TMEM135: variants seen among roughly 807,000 people sequenced by gnomAD.
TMEM135 encodes transmembrane protein 135, also known as peroxisomal membrane protein 52.
A neutral mutation model predicts 60.3 loss-of-function variants in TMEM135; 30 were observed. That is an observed-to-expected ratio of 0.50 (90% CI 0.37 to 0.68). TMEM135 has a LOEUF of 0.68. Among genes scored for constraint, TMEM135 ranks in the 30% least tolerant of loss-of-function variants. The probability of loss-of-function intolerance (pLI) is 0.00; values close to 1 mark genes in which losing one functional copy is unlikely to be tolerated. For missense variants in TMEM135, 468 were observed against 548.8 expected (o/e 0.85, Z 1.47); for synonymous variants, 190 against 186.7 (o/e 1.02, Z -0.14).
chr11:87,112,978 C>T (rs1351272484), intron 4 of TMEM135, among the ~76,000 whole-genome samples: 1 of 151,946 alleles, frequency 6.6e-6, no homozygotes, highest in Non-Finnish European at 1.5e-5. Flanking sequence ...GAATTTTTTG[C>T]ACTTTGGCGT....
chr11:87,198,784 A>G (rs1940026662), intron 5 of TMEM135, among the ~76,000 whole-genome samples: 1 of 151,974 alleles, frequency 6.6e-6, no homozygotes, highest in African/African-American at 2.4e-5. Flanking sequence ...TGTTAGAGAC[A>G]AGTATAAATA....
intron 5 of TMEM135, among the ~76,000 whole-genome samples, chr11:87,173,582 C>T (rs1939295669): frequency 1.3e-5 from 2 of 152,150 alleles, no homozygotes; most frequent in Non-Finnish European, 2.9e-5. Context: ...TGTAAGGCAG[C>T]TAGCACAATG....
rs961617282 is a variant in TMEM135 at position 87,253,944 on chromosome 11, T to C, written c.509+17260T>C. Reference sequence around the variant, plus strand: ...AGAAGTTATGAGAAATGAAAATAAATTATTCTTGTTTTGAAAATGACAGTC... The same window carrying C: ...AGAAGTTATGAGAAATGAAAATAAACTATTCTTGTTTTGAAAATGACAGTC... On this transcript the variant is annotated intron_variant, in intron 6 of 14. Transcript: ENST00000305494. Among the ~76,000 whole-genome samples the C allele has an allele frequency of 8.5e-5, 13 of 152,114 alleles. 1 individual carries two copies. The South Asian group carries it at 2.5e-3, about 29-fold the overall frequency.
At chr11:87,240,974 A>G (rs1941120686) in intron 6 of TMEM135, among the ~76,000 whole-genome samples, 1 of 152,310 alleles carries the variant, frequency 6.6e-6, no homozygotes, top group African/African-American at 2.4e-5. Context: ...AACATTGTGC[A>G]GCATGGCAGT....
Position 87,071,585 on chromosome 11 carries a change from A to C in TMEM135, c.332A>C (p.Tyr111Ser), listed in dbSNP as rs750344337. ...TTTGGTGCCGCTCTGCCAGCATCTT[A>C]TGTGGCCATTCTCATTGAAAGAAAA... is the stretch of plus-strand genomic sequence containing the variant. ...PGFGAALPAS[Y>S]VAILIERKSR... Residue 111 changes from tyrosine (Y) to serine (S), a missense_variant, in exon 3 of 15, where the codon TAT (tyrosine) becomes TCT (serine). Physicochemically the swap from Tyr to Ser is moderately radical, Grantham distance 144 (BLOSUM62 -2). Coordinates refer to ENST00000305494, the MANE Select transcript of TMEM135 (RefSeq NM_022918.4). 1 of 1,613,772 alleles carries C rather than the reference A, an allele frequency of 6.2e-7. No individual in the cohort carries two copies. Among genetic ancestry groups the C allele is most frequent in the Middle Eastern group, 1.6e-4 (1 of 6,062 alleles).
Position 87,159,617 on chromosome 11 carries a change from A to ACACACACACACACACC in TMEM135, c.462+2212_462+2213insACACACACACACACCC, listed in dbSNP as rs140303858. 1.5e-3 allele frequency among the ~76,000 whole-genome samples: 224 copies of ACACACACACACACACC among 149,448 alleles called. 2 individuals carry two copies. Among genetic ancestry groups the ACACACACACACACACC allele is most frequent in the East Asian group, 9.8e-3 (49 of 4,994 alleles). ...CGCACACACACACACACACACACAC[A>ACACACACACACACACC]CCATAGATTTTCCGAGACGGTTGGC... is the stretch of plus-strand genomic sequence containing the variant. On this transcript the variant is annotated intron_variant, in intron 5 of 14. Coordinates refer to ENST00000305494, the MANE Select transcript of TMEM135 (RefSeq NM_022918.4).
chr11:87,237,493 G>A (rs958397634), intron 6 of TMEM135, among the ~76,000 whole-genome samples: 12 of 151,818 alleles, frequency 7.9e-5, no homozygotes, highest in African/African-American at 2.2e-4. Flanking sequence ...AGACAGTTGC[G>A]GATTTTTAGT....
In TMEM135 at chr11:87,157,285, A is replaced by G. The variant is rs79204987; in HGVS notation, c.397-56A>G. 8.0e-3 allele frequency: 11,899 copies of G among 1,494,242 alleles called. 676 individuals carry two copies. In the African/African-American group the frequency reaches 0.13, roughly 16 times the overall value. 92.6% of individuals were successfully genotyped at this position (1,494,242 alleles called of 1,614,324 possible). On this transcript the variant is annotated intron_variant, in intron 4 of 14. Transcript: ENST00000305494. ...TCACATTTAGGGTGTGGGATATACA[A>G]TTGAGGAGAGATTGTAGATCATATA...
intron 4 of TMEM135, among the ~76,000 whole-genome samples, chr11:87,150,237 A>AAAAG (rs1565462362): frequency 1.4e-5 from 2 of 144,946 alleles, no homozygotes; most frequent in African/African-American, 5.3e-5. Context: ...AAAAAAAAAG[A>AAAAG]AAAAAAGTGA....
intron 5 of TMEM135, among the ~76,000 whole-genome samples, chr11:87,220,129 A>G (rs2135352756): frequency 6.6e-6 from 1 of 152,306 alleles, no homozygotes; most frequent in Non-Finnish European, 1.5e-5. Flanking sequence ...ATGCCGGTTT[A>G]TAATTTGGCT....
rs1195235147 is a variant in TMEM135, at chr11:87,326,661, T to C, written c.*5328T>C. On this transcript the variant is annotated 3_prime_UTR_variant, in exon 15 of 15. Coordinates refer to ENST00000305494, the MANE Select transcript of TMEM135 (RefSeq NM_022918.4). Reference sequence around the variant, plus strand: ...CCATGCTTTCCTGCCATATCTTTGCTATGTATTTCTTCATCTTGAGCTCTC... The same window carrying C: ...CCATGCTTTCCTGCCATATCTTTGCCATGTATTTCTTCATCTTGAGCTCTC... The C allele has an allele frequency of 2.2e-6, 1 of 454,094 alleles. No individual in the cohort carries two copies. Among genetic ancestry groups the C allele is most frequent in the South Asian group, 1.6e-5 (1 of 64,464 alleles). 28.1% of individuals were successfully genotyped at this position (454,094 alleles called of 1,614,324 possible). A position where few individuals can be genotyped will look rare whatever the true frequency, so the allele number is the denominator to read the frequency against.
chr11:87,177,576 A>T (rs1939409754), intron 5 of TMEM135, among the ~76,000 whole-genome samples: 1 of 152,170 alleles, frequency 6.6e-6, no homozygotes, highest in African/African-American at 2.4e-5. Context: ...CCATAATCAA[A>T]TCTAGTTTTT....
At chr11:87,312,351 T>C (rs1040231347) in intron 10 of TMEM135, among the ~76,000 whole-genome samples, 1 of 151,944 alleles carries the variant, frequency 6.6e-6, no homozygotes, top group African/African-American at 2.4e-5. Context: ...CTACTTCACA[T>C]ACAGTGTCAG....
At chr11:87,189,709 A>C (rs1334057834) in intron 5 of TMEM135, among the ~76,000 whole-genome samples, 1 of 150,838 alleles carries the variant, frequency 6.6e-6, no homozygotes, top group East Asian at 1.9e-4. Flanking sequence ...CTTGAGCCCA[A>C]GAGTTTGAGA....
intron 1 of TMEM135, among the ~76,000 whole-genome samples, 173 bp downstream of exon 1, chr11:87,038,359 G>A (rs1421336237): frequency 2.0e-5 from 3 of 152,072 alleles, no homozygotes; most frequent in African/African-American, 7.2e-5. Flanking sequence ...GCAAGGGAAG[G>A]ATATACCAAT....
Position 87,298,786 on chromosome 11 carries a change from C to CAAAAAAAAAAAAA in TMEM135, c.551+2969_551+2981dup, listed in dbSNP as rs59740138. Among the ~76,000 whole-genome samples the CAAAAAAAAAAAAA allele has an allele frequency of 1.2e-3, 70 of 57,646 alleles. 3 individuals carry two copies. Among genetic ancestry groups the CAAAAAAAAAAAAA allele is most frequent in the South Asian group, 1.8e-3 (2 of 1,130 alleles). The allele number at this position is 57,646 out of a possible 152,430, so 37.8% of individuals were successfully genotyped here. On this transcript the variant is annotated intron_variant, in intron 7 of 14. Transcript: ENST00000305494. The stretch of plus-strand genomic sequence containing the variant: ...TGGGTGACAGAGTGAGACTCTGTCT[C>CAAAAAAAAAAAAA]AAAAAAAAAAAAAAAAAACAGCCGG...
At chr11:87,159,590 C>CGT (rs1491418121) in intron 5 of TMEM135, among the ~76,000 whole-genome samples, 6 of 119,166 alleles carry the variant, frequency 5.0e-5, no homozygotes, top group African/African-American at 1.4e-4. Context: ...AATACACACA[C>CGT]GCGCACACAC....
At chr11:87,038,262 G>A in intron 1 of TMEM135, 76 bp downstream of exon 1, 1 of 1,590,506 alleles carries the variant, frequency 6.3e-7, no homozygotes, top group East Asian at 2.2e-5. Flanking sequence ...GTGCTCCCGA[G>A]GGGCTCTGGG....
At chr11:87,169,964 T>G (rs1213984659) in intron 5 of TMEM135, among the ~76,000 whole-genome samples, 1 of 152,132 alleles carries the variant, frequency 6.6e-6, no homozygotes, top group Non-Finnish European at 1.5e-5. Context: ...GGTCTTTTCA[T>G]ATAGTCCCAT....
Sources: allele counts gnomAD v4.1 joint callset (sites outside exome capture counted in the v4.1 genomes callset), GRCh38; gene constraint gnomAD v4.1.1; transcripts MANE v1.5; gene names NCBI Gene and HGNC (gene_info 2026-07-23, HGNC 2026-07-21).